Variants in CSMD1 observed in about 807,000 individuals in gnomAD.
CSMD1 encodes CUB and Sushi multiple domains 1.
Under a neutral mutation model 417.5 loss-of-function variants are expected in CSMD1, and 213 were observed. The observed-to-expected ratio is 0.51, with a 90% CI of 0.46 to 0.57. The LOEUF is 0.57. Ranked by LOEUF, CSMD1 falls within the 20% of genes least tolerant of loss-of-function variation. The pLI, the probability that CSMD1 is intolerant of heterozygous loss-of-function variation, is 0.00. For synonymous variants in CSMD1, 2,862 were observed against 1,736.8 expected (o/e 1.65, Z -16.11); for missense variants, 6,923 against 4,529.7 (o/e 1.53, Z -15.17).
intron 1 of CSMD1, among the ~76,000 whole-genome samples, chr8:4,738,344 G>A (rs1411653930): frequency 6.6e-6 from 1 of 152,156 alleles, no homozygotes; most frequent in East Asian, 1.9e-4. Flanking sequence ...GGGCGAAGAG[G>A]CCTCAGAAAA....
At chr8:4,246,526 A>C (rs1008240304) in intron 3 of CSMD1, among the ~76,000 whole-genome samples, 5 of 152,188 alleles carry the variant, frequency 3.3e-5, no homozygotes, top group African/African-American at 1.2e-4. Context: ...TGTGAAAATT[A>C]CTTTTTTTAC....
chr8:4,699,548 T>C (rs1228058720), intron 1 of CSMD1, among the ~76,000 whole-genome samples: 1 of 152,236 alleles, frequency 6.6e-6, no homozygotes, highest in African/African-American at 2.4e-5. Context: ...TTATTAACTC[T>C]TCTGTGTGGA....
At chr8:3,334,244 G>T (rs774891390) in intron 23 of CSMD1, among the ~76,000 whole-genome samples, 2 of 152,192 alleles carry the variant, frequency 1.3e-5, no homozygotes, top group Non-Finnish European at 2.9e-5. Flanking sequence ...GACTCCAAAT[G>T]ATGGATTCTG....
chr8:4,706,400 T>C (rs1296579613), intron 1 of CSMD1, among the ~76,000 whole-genome samples: 1 of 152,210 alleles, frequency 6.6e-6, no homozygotes, highest in East Asian at 1.9e-4. Context: ...ACAAAAAGTG[T>C]ATAATGAAAT....
At chr8:4,440,903 A>G (rs1762535543) in intron 2 of CSMD1, among the ~76,000 whole-genome samples, 1 of 151,662 alleles carries the variant, frequency 6.6e-6, no homozygotes, top group African/African-American at 2.4e-5. Context: ...AGACTGAGGC[A>G]TGAGAATCAC....
At chr8:3,179,133 TAC>T (rs1821136542) in intron 37 of CSMD1, among the ~76,000 whole-genome samples, 1 of 149,286 alleles carries the variant, frequency 6.7e-6, no homozygotes, top group East Asian at 2.0e-4. Context: ...TTTTAGTAGA[TAC>T]GGGGTTTCAA....
At chr8:3,063,303 CT>C (rs1290117310) in intron 49 of CSMD1, among the ~76,000 whole-genome samples, 11 of 152,102 alleles carry the variant, frequency 7.2e-5, no homozygotes, top group Non-Finnish European at 1.6e-4. Flanking sequence ...TCAGTTTTAC[CT>C]TCTGCAAAAT....
chr8:3,746,168 C>A (rs1164510160), intron 6 of CSMD1, among the ~76,000 whole-genome samples: 4 of 152,200 alleles, frequency 2.6e-5, no homozygotes, highest in Non-Finnish European at 5.9e-5. Flanking sequence ...CAGCTCAGGG[C>A]TGATACGCTG....
chr8:4,446,272 G>GA (rs1326916023), intron 2 of CSMD1, among the ~76,000 whole-genome samples: 2 of 152,194 alleles, frequency 1.3e-5, no homozygotes, highest in Non-Finnish European at 2.9e-5. Flanking sequence ...ACCCAGCTGG[G>GA]AGTGGTGGCT....
At chr8:4,664,764 T>C (rs1292020886) in intron 1 of CSMD1, among the ~76,000 whole-genome samples, 1 of 152,140 alleles carries the variant, frequency 6.6e-6, no homozygotes, top group African/African-American at 2.4e-5. Flanking sequence ...AATCAAATTA[T>C]TCACATAGTT....
At chr8:4,445,357 C>G (rs539136126) in intron 2 of CSMD1, among the ~76,000 whole-genome samples, 2 of 152,200 alleles carry the variant, frequency 1.3e-5, no homozygotes, top group South Asian at 4.2e-4. Context: ...AAGTCTTTTC[C>G]TTAATATCTC....
At chr8:3,505,803 T>A (rs1021934706) in intron 10 of CSMD1, among the ~76,000 whole-genome samples, 2 of 152,164 alleles carry the variant, frequency 1.3e-5, no homozygotes, top group Admixed American at 1.3e-4. Flanking sequence ...ATTTACAGAT[T>A]TTTAAATGTC....
chr8:3,680,136 A>C (rs960137928), intron 7 of CSMD1, among the ~76,000 whole-genome samples: 1 of 152,202 alleles, frequency 6.6e-6, no homozygotes, highest in Admixed American at 6.5e-5. Context: ...CTAGAGAAGC[A>C]AGAGCAAACA....
At position 3,310,475 on chromosome 8, in the gene CSMD1, C is replaced by G. The variant is rs561653852; in HGVS notation, c.3632-1972G>C. Among the ~76,000 whole-genome samples the G allele has an allele frequency of 1.8e-4, 28 of 152,320 alleles. 1 individual carries two copies. In the East Asian group the frequency reaches 3.1e-3, roughly 17 times the overall value. On this transcript the variant is annotated intron_variant, in intron 23 of 69. Coordinates refer to ENST00000635120, the MANE Select transcript of CSMD1 (RefSeq NM_033225.6). ...GAGGTGATGATTCTCCCTGGCCACA[C>G]TTGGAGTCCACCTCCCTATTAATAA...
intron 25 of CSMD1, among the ~76,000 whole-genome samples, chr8:3,288,318 A>T (rs1584935193): frequency 6.8e-6 from 1 of 147,064 alleles, no homozygotes; most frequent in East Asian, 2.0e-4. Context: ...TTGGCCTCAT[A>T]AAACGAGGGA....
At chr8:3,647,066 T>C (rs1242920716) in intron 7 of CSMD1, among the ~76,000 whole-genome samples, 1 of 152,208 alleles carries the variant, frequency 6.6e-6, no homozygotes, top group Non-Finnish European at 1.5e-5. Context: ...CAGGTTTTCT[T>C]TTGTGAAGTG....
At chr8:3,422,144 A>G (rs270079) in intron 12 of CSMD1, among the ~76,000 whole-genome samples, 116,921 of 152,068 alleles carry the variant, frequency 0.77, 45,172 homozygotes, top group South Asian at 0.84. Context: ...TCTACTCTGC[A>G]CCAGTGTTTC....
chr8:4,502,962 A>G (rs1415241436), intron 2 of CSMD1, among the ~76,000 whole-genome samples: 7 of 152,200 alleles, frequency 4.6e-5, no homozygotes, highest in Non-Finnish European at 8.8e-5. Context: ...ATGGTATAAG[A>G]GATTAAACAG....
chr8:4,427,048 A>G (rs995727875), intron 2 of CSMD1, among the ~76,000 whole-genome samples: 1 of 152,040 alleles, frequency 6.6e-6, no homozygotes, highest in Non-Finnish European at 1.5e-5. Flanking sequence ...TGTAGACGGA[A>G]CAGCCCCAGA....
Sources: allele counts gnomAD v4.1 joint callset (sites outside exome capture counted in the v4.1 genomes callset), GRCh38; gene constraint gnomAD v4.1.1; transcripts MANE v1.5; gene names NCBI Gene and HGNC (gene_info 2026-07-23, HGNC 2026-07-21).